Variants in LRRC4C observed in about 807,000 individuals in gnomAD.
LRRC4C encodes the protein leucine-rich repeat-containing protein 4C.
LRRC4C carries 5 observed loss-of-function variants against 33.6 expected under a neutral mutation model. The observed-to-expected ratio is 0.15, with a 90% CI of 0.08 to 0.31. The LOEUF (loss-of-function observed/expected upper bound fraction) is 0.31. Ranked by LOEUF, LRRC4C falls within the 10% of genes least tolerant of loss-of-function variation. LRRC4C has a pLI of 1.00. For synonymous variants in LRRC4C, 329 were observed against 302.0 expected, an observed-to-expected ratio of 1.09 and a Z score of -0.93; for missense variants, 560 against 796.7, an observed-to-expected ratio of 0.70 and a Z score of 3.58.
rs1399960376 is a variant in LRRC4C, at chr11:40,115,105, A to C, written c.1188T>G (p.His396Gln). The change falls in exon 7 of 7, where the codon CAT (histidine) becomes CAG (glutamine). Residue 396 changes from histidine to glutamine, a missense_variant. Coordinates refer to ENST00000528697, the MANE Select transcript of LRRC4C (RefSeq NM_001258419.2). The surrounding 1 kb of genome is among the most constrained non-coding windows in gnomAD (Gnocchi z 6.7). ...WITPNGTVMT[H>Q]GAYKVRIAVL... is the part of the protein sequence containing the mutation. ...CAGCTATCCGCACTTTGTACGCCCC[A>C]TGTGTCATGACTGTTCCATTTGGAG... 2 of 1,614,160 alleles carry C rather than the reference A, an allele frequency of 1.2e-6. No individual in the cohort carries two copies. Among genetic ancestry groups the C allele is most frequent in the Non-Finnish European group, 1.7e-6 (2 of 1,180,026 alleles).
chr11:40,790,590 T>C (rs1377126570), intron 2 of LRRC4C, among the ~76,000 whole-genome samples: 1 of 152,102 alleles, frequency 6.6e-6, no homozygotes, highest in Non-Finnish European at 1.5e-5. Flanking sequence ...GCCAAGGAGA[T>C]TTTCCCTTAT....
chr11:41,357,775 C>G (rs1320723894), intron 1 of LRRC4C, among the ~76,000 whole-genome samples: 1 of 151,942 alleles, frequency 6.6e-6, no homozygotes, highest in Non-Finnish European at 1.5e-5. Flanking sequence ...TGGGATAAGA[C>G]TATATTTTTA....
intron 3 of LRRC4C, among the ~76,000 whole-genome samples, chr11:40,611,352 A>C (rs540039732): frequency 2.0e-5 from 3 of 152,032 alleles, no homozygotes; most frequent in African/African-American, 7.2e-5. Flanking sequence ...CTTACACCAT[A>C]CATAAAAATT....
At chr11:40,153,388 C>T (rs975908694) in intron 5 of LRRC4C, among the ~76,000 whole-genome samples, 1 of 152,104 alleles carries the variant, frequency 6.6e-6, no homozygotes. Flanking sequence ...GGCTCTTCAA[C>T]ACCCCCTGAA....
At position 41,280,674 on chromosome 11, in the gene LRRC4C, C is replaced by T. The variant is rs375970431; in HGVS notation, c.-496+178757G>A. Among the ~76,000 whole-genome samples, 17 of 152,200 alleles carry T rather than the reference C, an allele frequency of 1.1e-4. No homozygotes were observed. The East Asian group carries it at 1.6e-3, about 14-fold the overall frequency. ...AATCAAAGACTAAGATAAAAGTATG[C>T]ATATTATTGTTCTCTCCATGTCCTT... On this transcript the variant is annotated intron_variant, in intron 1 of 6. Transcript: ENST00000528697.
At chr11:40,315,233 A>G (rs1945517224) in intron 4 of LRRC4C, among the ~76,000 whole-genome samples, 1 of 151,646 alleles carries the variant, frequency 6.6e-6, no homozygotes, top group African/African-American at 2.4e-5. Flanking sequence ...AAATTAAAAA[A>G]CCCAATATGG....
chr11:41,098,877 A>G (rs1254508685), intron 1 of LRRC4C, among the ~76,000 whole-genome samples: 2 of 152,122 alleles, frequency 1.3e-5, no homozygotes, highest in Admixed American at 1.3e-4. Flanking sequence ...CCAAAAATTC[A>G]AAAGATCAAT....
chr11:40,442,692 T>A (rs943169562), intron 3 of LRRC4C, among the ~76,000 whole-genome samples: 1 of 152,146 alleles, frequency 6.6e-6, no homozygotes, highest in Non-Finnish European at 1.5e-5. Flanking sequence ...ACTATGGAGA[T>A]CATATAAGCT....
chr11:40,685,539 A>T (rs1944911560), intron 2 of LRRC4C, among the ~76,000 whole-genome samples: 2 of 151,992 alleles, frequency 1.3e-5, no homozygotes, highest in African/African-American at 4.8e-5. Flanking sequence ...GATTTTTATA[A>T]CTATAAAACA....
At chr11:40,543,777 T>C (rs1229036859) in intron 3 of LRRC4C, among the ~76,000 whole-genome samples, 1 of 152,188 alleles carries the variant, frequency 6.6e-6, no homozygotes, top group Admixed American at 6.6e-5. Context: ...GACAAAGATA[T>C]GACTCTCTCT....
chr11:41,441,994 CTTCAA>C (rs1955634820), intron 1 of LRRC4C, among the ~76,000 whole-genome samples: 1 of 152,088 alleles, frequency 6.6e-6, no homozygotes, highest in Admixed American at 6.5e-5. Flanking sequence ...ACTATTCAGT[CTTCAA>C]ATTTACATAT....
chr11:40,922,948 C>T (rs1375100592), intron 2 of LRRC4C, among the ~76,000 whole-genome samples: 1 of 152,110 alleles, frequency 6.6e-6, no homozygotes, highest in Non-Finnish European at 1.5e-5. Flanking sequence ...CCTCAACCTC[C>T]CAAGTAGCTG....
intron 5 of LRRC4C, among the ~76,000 whole-genome samples, chr11:40,172,615 C>T (rs1484272982): frequency 6.6e-6 from 1 of 151,840 alleles, no homozygotes; most frequent in Non-Finnish European, 1.5e-5. Flanking sequence ...ATTGTTCCTT[C>T]TGCTTGAAAC....
At chr11:41,240,904 C>G (rs1042314306) in intron 1 of LRRC4C, among the ~76,000 whole-genome samples, 9 of 150,868 alleles carry the variant, frequency 6.0e-5, no homozygotes, top group Admixed American at 5.9e-4. Context: ...AGAAACACAG[C>G]CAACAAAAAT....
chr11:40,971,212 G>A (rs922556729), intron 1 of LRRC4C, among the ~76,000 whole-genome samples: 44 of 152,286 alleles, frequency 2.9e-4, no homozygotes, highest in South Asian at 6.2e-4. Context: ...AGAGAACTTC[G>A]CAGCCCCTTC....
At chr11:40,480,906 A>G (rs971717025) in intron 3 of LRRC4C, among the ~76,000 whole-genome samples, 2 of 152,024 alleles carry the variant, frequency 1.3e-5, no homozygotes, top group Non-Finnish European at 2.9e-5. Flanking sequence ...AGAGAGAAGA[A>G]TGGTGCTTTT....
intron 3 of LRRC4C, among the ~76,000 whole-genome samples, chr11:40,543,596 C>T (rs1334923047): frequency 6.6e-6 from 1 of 151,952 alleles, no homozygotes; most frequent in African/African-American, 2.4e-5. Context: ...AGCTGGATGG[C>T]AAACAAGGAT....
chr11:41,351,368 T>C (rs898135192), intron 1 of LRRC4C, among the ~76,000 whole-genome samples: 4 of 152,134 alleles, frequency 2.6e-5, no homozygotes, highest in African/African-American at 9.7e-5. Context: ...CTATCACTCA[T>C]TGGCATCCCA....
At chr11:40,773,868 C>G (rs977598908) in intron 2 of LRRC4C, among the ~76,000 whole-genome samples, 6 of 151,826 alleles carry the variant, frequency 4.0e-5, no homozygotes, top group African/African-American at 7.3e-5. Context: ...TCAATTAACA[C>G]AAAATAAAAT....
Sources: gnomAD v4.1 joint callset for allele counts (sites outside exome capture counted in the v4.1 genomes callset) on GRCh38, gnomAD v4.1.1 for gene constraint, Gnocchi (gnomAD v3.1) non-coding constraint, MANE v1.5 for transcripts, NCBI Gene and HGNC (gene_info 2026-07-23, HGNC 2026-07-21) for gene names.